The following PDZRN3 variants were observed in gnomAD, a reference collection of about 807,000 sequenced individuals.
PDZRN3 encodes the protein E3 ubiquitin-protein ligase PDZRN3.
PDZRN3 carries 38 observed loss-of-function variants against 85.7 expected under a neutral mutation model. That is an observed-to-expected ratio of 0.44 (90% CI 0.34 to 0.58). PDZRN3 has a LOEUF of 0.58. PDZRN3 is among the 20% of genes least tolerant of loss of function. The probability of loss-of-function intolerance (pLI) is 0.01; values close to 1 mark genes in which losing one functional copy is unlikely to be tolerated. For synonymous variants in PDZRN3, 759 were observed against 638.0 expected (o/e 1.19, Z -2.86); for missense variants, 1,629 against 1,506.4 (o/e 1.08, Z -1.35).
chr3:73,433,754 G>A (rs1702477967), intron 3 of PDZRN3: 4 of 1,535,344 alleles, frequency 2.6e-6, no homozygotes, highest in Non-Finnish European at 3.5e-6. Flanking sequence ...CCAGCACCCG[G>A]GAAAAGCAGC....
chr3:73,400,277 A>G (rs921717559), intron 5 of PDZRN3, among the ~76,000 whole-genome samples: 6 of 152,328 alleles, frequency 3.9e-5, no homozygotes, highest in Non-Finnish European at 7.4e-5. Context: ...TGTATTTTCT[A>G]TCACCCTTAA....
intron 3 of PDZRN3, among the ~76,000 whole-genome samples, chr3:73,428,139 G>A (rs34905960): frequency 0.12 from 18,281 of 152,152 alleles, 1,196 homozygotes; most frequent in Middle Eastern, 0.17. Flanking sequence ...GGAGAGGTCA[G>A]AAGAGGCTGG....
At chr3:73,621,087 C>G (rs189731715) in intron 1 of PDZRN3, among the ~76,000 whole-genome samples, 1 of 152,334 alleles carries the variant, frequency 6.6e-6, no homozygotes, top group Admixed American at 6.5e-5. Context: ...GGCCCCTGGC[C>G]AGCCCTAATG....
intron 3 of PDZRN3, among the ~76,000 whole-genome samples, chr3:73,599,359 T>A (rs933479416): frequency 6.6e-6 from 1 of 152,208 alleles, no homozygotes; most frequent in Admixed American, 6.5e-5. Context: ...AGGCAAATAC[T>A]ACATGATTCC....
At chr3:73,412,135 A>T (rs1284807649) in intron 3 of PDZRN3, among the ~76,000 whole-genome samples, 1 of 152,184 alleles carries the variant, frequency 6.6e-6, no homozygotes, top group Admixed American at 6.5e-5. Flanking sequence ...GCATTTAATG[A>T]TCCCTTGGCA....
chr3:73,617,987 T>G (rs1226660545), intron 1 of PDZRN3, among the ~76,000 whole-genome samples: 2 of 152,246 alleles, frequency 1.3e-5, no homozygotes, highest in Non-Finnish European at 2.9e-5. Context: ...ATTACAGGCG[T>G]GAGCCACCAT....
At chr3:73,480,433 A>C (rs4677288) in intron 3 of PDZRN3, among the ~76,000 whole-genome samples, 74,852 of 151,914 alleles carry the variant, frequency 0.49, 18,632 homozygotes, top group East Asian at 0.69. Flanking sequence ...TTCTGCACAC[A>C]TAAGTCTCTC....
intron 3 of PDZRN3, among the ~76,000 whole-genome samples, chr3:73,553,646 A>G (rs1450772224): frequency 6.6e-6 from 1 of 152,086 alleles, no homozygotes; most frequent in African/African-American, 2.4e-5. Flanking sequence ...AAAGCAAAGT[A>G]GCCCAGACCC....
chr3:73,569,340 G>T lies in PDZRN3; in HGVS notation c.918+33014C>A, dbSNP rs1702007718. ...TCAGGTGAACCAGGAGAATAAGCAG[G>T]TTAATAATCTTTAGTGAGGAGGCTG... On this transcript the variant is annotated intron_variant, in intron 3 of 9. Transcript: ENST00000263666. 24 of 1,214,104 alleles carry T rather than the reference G, an allele frequency of 2.0e-5. No homozygotes were observed. In the South Asian group the frequency reaches 3.6e-4, roughly 18 times the overall value. 75.2% of individuals were successfully genotyped at this position (1,214,104 alleles called of 1,614,324 possible).
At chr3:73,590,161 T>TG (rs11386686) in intron 3 of PDZRN3, among the ~76,000 whole-genome samples, 73,033 of 148,958 alleles carry the variant, frequency 0.49, 19,457 homozygotes, top group East Asian at 0.66. Flanking sequence ...CCCAGCTACT[T>TG]GGGGGGCTGA....
At chr3:73,598,735 C>A (rs1275007720) in intron 3 of PDZRN3, among the ~76,000 whole-genome samples, 1 of 152,154 alleles carries the variant, frequency 6.6e-6, no homozygotes, top group Non-Finnish European at 1.5e-5. Flanking sequence ...TGGGAGCACT[C>A]ATGTAGGGAA....
Position 73,383,298 on chromosome 3 carries a change from G to GA in PDZRN3, c.*66dup. ...CTTATATACAAAAACTTGCCGCATTGAACGAGGCAGGAATTTCTACCCCAG... is the reference window on the plus strand; with the variant it reads ...CTTATATACAAAAACTTGCCGCATTGAAACGAGGCAGGAATTTCTACCCCAG... On this transcript the variant is annotated 3_prime_UTR_variant, in exon 10 of 10. Transcript: ENST00000263666. The GA allele has an allele frequency of 1.4e-6, 2 of 1,446,930 alleles. No homozygotes were observed. Among genetic ancestry groups the GA allele is most frequent in the Non-Finnish European group, 1.9e-6 (2 of 1,067,366 alleles). The allele number at this position is 1,446,930 out of a possible 1,614,324, so 89.6% of individuals were successfully genotyped here.
intron 3 of PDZRN3, among the ~76,000 whole-genome samples, chr3:73,443,479 CTT>C (rs768320565): frequency 6.2e-5 from 3 of 48,146 alleles, no homozygotes; most frequent in African/African-American, 1.5e-4. Context: ...TTTCCTTTTT[CTT>C]TTTTTTTTTT....
chr3:73,537,499 G>A (rs1468799619), intron 3 of PDZRN3, among the ~76,000 whole-genome samples: 1 of 152,142 alleles, frequency 6.6e-6, no homozygotes, highest in African/African-American at 2.4e-5. Flanking sequence ...GTTGATATTT[G>A]GCATCAACAA....
Position 73,600,304 on chromosome 3 carries a change from A to AAC in PDZRN3, c.918+2048_918+2049dup, listed in dbSNP as rs35396413. Among the ~76,000 whole-genome samples, 1,112 of 124,422 alleles carry AAC rather than the reference A, an allele frequency of 8.9e-3. 8 individuals are homozygous for AAC. The highest frequency in any genetic ancestry group is 0.011 in the Admixed American group (135 of 11,954). 81.6% of individuals were successfully genotyped at this position (124,422 alleles called of 152,430 possible). A position where few individuals can be genotyped will look rare whatever the true frequency, so the allele number is the denominator to read the frequency against. On this transcript the variant is annotated intron_variant, in intron 3 of 9. Transcript: ENST00000263666. ...AGACTTTGACTCTTCTTAGTAATGA[A>AAC]ACACACACACACACACACACACACA...
At chr3:73,621,037 C>T (rs1702851650) in intron 1 of PDZRN3, among the ~76,000 whole-genome samples, 1 of 152,238 alleles carries the variant, frequency 6.6e-6, no homozygotes, top group African/African-American at 2.4e-5. Flanking sequence ...ACTTAAAGGA[C>T]CAGCATCATC....
intron 1 of PDZRN3, among the ~76,000 whole-genome samples, chr3:73,609,362 C>T (rs556676767): frequency 6.6e-6 from 1 of 152,238 alleles, no homozygotes; most frequent in East Asian, 1.9e-4. Context: ...AGAAGTGACC[C>T]AGGCAGGTCA....
chr3:73,535,916 A>AT (rs751309615), intron 3 of PDZRN3, among the ~76,000 whole-genome samples: 5 of 152,218 alleles, frequency 3.3e-5, no homozygotes. Flanking sequence ...GTAAAGGGAA[A>AT]TTTTACAAGG....
chr3:73,431,872 G>T lies in PDZRN3; in HGVS notation c.919-27477C>A, dbSNP rs537832927. Among the ~76,000 whole-genome samples, 47 of 152,142 alleles carry T rather than the reference G, an allele frequency of 3.1e-4. No individual in the cohort carries two copies. The South Asian group carries it at 9.5e-3, about 31-fold the overall frequency. On this transcript the variant is annotated intron_variant, in intron 3 of 9. Coordinates refer to ENST00000263666, the MANE Select transcript of PDZRN3 (RefSeq NM_015009.3). ...GTCGTGTGTGTGTGTTTGGGGGTGGGGCTGGGGGGACTGAGCACAAATGAT... is the reference window on the plus strand; with the variant it reads ...GTCGTGTGTGTGTGTTTGGGGGTGGTGCTGGGGGGACTGAGCACAAATGAT...
Sources: gnomAD v4.1 joint callset for allele counts (sites outside exome capture counted in the v4.1 genomes callset) on GRCh38, gnomAD v4.1.1 for gene constraint, MANE v1.5 for transcripts, NCBI Gene and HGNC (gene_info 2026-07-23, HGNC 2026-07-21) for gene names.